The following CEP350 variants were observed in gnomAD, a reference collection of about 807,000 sequenced individuals.
The protein encoded by CEP350 is centrosomal protein 350, also known as centrosome-associated protein 350.
Under a neutral mutation model 331.8 loss-of-function variants are expected in CEP350, and 126 were observed. The ratio of observed to expected loss-of-function variants is 0.38; its 90% CI spans 0.33 to 0.44. The LOEUF (loss-of-function observed/expected upper bound fraction) is 0.44. CEP350 is among the 20% of genes least tolerant of loss of function. The pLI is 1.00. For missense variants in CEP350, 3,406 were observed against 3,634.6 expected, an observed-to-expected ratio of 0.94 and a Z score of 1.62; for synonymous variants, 1,200 against 1,259.5, an observed-to-expected ratio of 0.95 and a Z score of 1.00.
chr1:180,079,931 G>A lies in CEP350; in HGVS notation c.5980-586G>A, dbSNP rs1056619349. ...ACGAAGTACTTACCAAGTGCCTTAC[G>A]TGGATTATCTCATTTAACCCTCGCA... On this transcript the variant is annotated intron_variant, in intron 29 of 37. Coordinates refer to ENST00000367607, the MANE Select transcript of CEP350 (RefSeq NM_014810.5). Among the ~76,000 whole-genome samples the A allele has an allele frequency of 2.2e-4, 33 of 152,058 alleles. 2 individuals carry two copies. The highest frequency in any genetic ancestry group is 2.0e-3 in the Admixed American group (30 of 15,264).
At position 180,024,540 on chromosome 1, in the gene CEP350, A is replaced by G. The variant is rs1262113400; in HGVS notation, c.3508A>G (p.Thr1170Ala). The G allele has an allele frequency of 2.5e-6, 4 of 1,612,884 alleles. No individual in the cohort carries two copies. The highest frequency in any genetic ancestry group is 4.5e-5 in the East Asian group (2 of 44,846). ...GTCTGCTGCATCGTCTCGTTCATCT[A>G]CTTCTTCTAAAGGAAAGAAAGGAAA... ...AQSAASSRSS[T>A]SSKGKKGKKE... The change falls in exon 14 of 38, where the codon ACT (threonine) becomes GCT (alanine). Residue 1170 changes from threonine (T) to alanine (A), a missense_variant. Physicochemically the swap from Thr to Ala is moderately conservative, Grantham distance 58 (BLOSUM62 0). This residue lies in a region of CEP350 where 1,857 missense variants were observed against 1,909.2 expected (regional missense o/e 0.97). Transcript: ENST00000367607.
chr1:180,024,670 T>C (rs1655552336), intron 14 of CEP350, 88 bp downstream of exon 14: 2 of 1,383,808 alleles, frequency 1.4e-6, no homozygotes, highest in African/African-American at 1.5e-5. Flanking sequence ...CATAAGAAGT[T>C]AGAAGAATTT....
chr1:180,014,615 T>C (rs961205020), intron 10 of CEP350, 110 bp downstream of exon 10: 31 of 984,842 alleles, frequency 3.1e-5, no homozygotes, highest in East Asian at 1.3e-4. Flanking sequence ...ATAATACTTA[T>C]AATAATCATG....
At chr1:179,962,651 G>A (rs975427319) in intron 1 of CEP350, among the ~76,000 whole-genome samples, 2 of 152,056 alleles carry the variant, frequency 1.3e-5, no homozygotes, top group African/African-American at 4.8e-5. Context: ...CTCATGATCT[G>A]CCCACCTCGG....
intron 25 of CEP350, among the ~76,000 whole-genome samples, chr1:180,060,963 A>T (rs1265730679): frequency 6.6e-6 from 1 of 152,182 alleles, no homozygotes; most frequent in Non-Finnish European, 1.5e-5. Context: ...GGGGCACAAG[A>T]TTGCAGACTA....
intron 13 of CEP350, 114 bp downstream of exon 13, chr1:180,022,962 C>A: frequency 1.1e-6 from 1 of 947,636 alleles, no homozygotes; most frequent in Non-Finnish European, 1.6e-6. Context: ...CATATAGAGG[C>A]TGCACATCAT....
chr1:180,064,946 T>G (rs1658456240), intron 26 of CEP350, among the ~76,000 whole-genome samples, 169 bp from the exon 27 acceptor site: 1 of 152,228 alleles, frequency 6.6e-6, no homozygotes, highest in African/African-American at 2.4e-5. Flanking sequence ...TGAAATGTAC[T>G]AGTTTAACCA....
At position 180,005,736 on chromosome 1, in the gene CEP350, A is replaced by G. The variant is rs560672412; in HGVS notation, c.1133-718A>G. The stretch of plus-strand genomic sequence containing the variant: ...CCCTTAGTTATATGTCTCTGACCGT[A>G]GTTCCTACTAATCTTCTCTTTTTTC... On this transcript the variant is annotated intron_variant, in intron 7 of 37. Transcript: ENST00000367607. Among the ~76,000 whole-genome samples the G allele has an allele frequency of 1.9e-4, 29 of 152,282 alleles. 1 individual carries two copies. In the South Asian group the frequency reaches 3.9e-3, roughly 21 times the overall value.
At chr1:179,970,709 A>G (rs1421214054) in intron 1 of CEP350, among the ~76,000 whole-genome samples, 1 of 152,234 alleles carries the variant, frequency 6.6e-6, no homozygotes, top group Non-Finnish European at 1.5e-5. Flanking sequence ...AAATGAAACT[A>G]TGTGATTGGA....
intron 8 of CEP350, among the ~76,000 whole-genome samples, chr1:180,008,285 C>A (rs189919245): frequency 6.6e-6 from 1 of 152,268 alleles, no homozygotes; most frequent in African/African-American, 2.4e-5. Flanking sequence ...TTATAACTAG[C>A]TTTGTTCCTT....
intron 6 of CEP350, among the ~76,000 whole-genome samples, chr1:179,999,467 A>G (rs1006532062): frequency 1.3e-5 from 2 of 152,124 alleles, no homozygotes; most frequent in Admixed American, 1.3e-4. Flanking sequence ...CGATGTCCTA[A>G]GCAGTGGATT....
At chr1:180,045,793 C>T (rs918600487) in intron 21 of CEP350, among the ~76,000 whole-genome samples, 2 of 152,162 alleles carry the variant, frequency 1.3e-5, no homozygotes, top group Non-Finnish European at 2.9e-5. Flanking sequence ...TTCAGTATCC[C>T]TCAGAATATT....
At chr1:180,092,213 A>G (rs1193302336) in intron 33 of CEP350, among the ~76,000 whole-genome samples, 2 of 152,188 alleles carry the variant, frequency 1.3e-5, no homozygotes, top group African/African-American at 4.8e-5. Context: ...TCCTAGGAAA[A>G]TGTATTCTTT....
intron 27 of CEP350, among the ~76,000 whole-genome samples, chr1:180,069,792 A>G (rs1658776231): frequency 1.3e-5 from 2 of 152,192 alleles, no homozygotes; most frequent in Admixed American, 1.3e-4. Context: ...AATGTAAAGC[A>G]CTATGTTCCA....
chr1:180,082,974 T>A (rs2149092806), intron 30 of CEP350, among the ~76,000 whole-genome samples: 1 of 152,344 alleles, frequency 6.6e-6, no homozygotes, highest in East Asian at 1.9e-4. Context: ...TAACTCAGTG[T>A]CATAGAAGTG....
intron 1 of CEP350, among the ~76,000 whole-genome samples, chr1:179,984,194 C>T (rs1332208761): frequency 6.6e-6 from 1 of 152,116 alleles, no homozygotes; most frequent in African/African-American, 2.4e-5. Flanking sequence ...GAAAATGGGA[C>T]ATAATATTGT....
intron 25 of CEP350, 135 bp downstream of exon 25, chr1:180,054,637 A>C: frequency 1.5e-6 from 1 of 647,152 alleles, no homozygotes; most frequent in Non-Finnish European, 2.8e-6. Flanking sequence ...GTTTATGTTC[A>C]TACTACTATA....
intron 27 of CEP350, among the ~76,000 whole-genome samples, chr1:180,074,400 A>G (rs759999451): frequency 9.2e-5 from 14 of 152,220 alleles, no homozygotes; most frequent in African/African-American, 1.4e-4. Context: ...GTTTATATGC[A>G]TAAGACATGG....
chr1:179,967,701 G>A (rs943560421), intron 1 of CEP350, among the ~76,000 whole-genome samples: 5 of 152,016 alleles, frequency 3.3e-5, no homozygotes, highest in South Asian at 2.1e-4. Flanking sequence ...GTAAGCCACC[G>A]GGCCCAGCTG....
Sources: allele counts gnomAD v4.1 joint callset (sites outside exome capture counted in the v4.1 genomes callset), GRCh38; gene constraint gnomAD v4.1.1; regional missense constraint gnomAD v4.1.1; transcripts MANE v1.5; gene names NCBI Gene and HGNC (gene_info 2026-07-23, HGNC 2026-07-21).